The following KCNH8 variants were observed in gnomAD, a reference collection of about 807,000 sequenced individuals.
KCNH8 encodes voltage-gated delayed rectifier potassium channel KCNH8.
Under a neutral mutation model 103.6 loss-of-function variants are expected in KCNH8, and 70 were observed. The observed-to-expected ratio is 0.68, with a 90% CI of 0.56 to 0.82. The LOEUF (loss-of-function observed/expected upper bound fraction) is 0.82, where lower values mean the gene tolerates loss of function less well. Among genes scored for constraint, KCNH8 ranks in the 40% least tolerant of loss-of-function variants. The pLI, the probability that KCNH8 is intolerant of heterozygous loss-of-function variation, is 0.00. For synonymous variants in KCNH8, 498 were observed against 489.4 expected (o/e 1.02, Z -0.23); for missense variants, 1,217 against 1,329.9 (o/e 0.92, Z 1.32).
chr3:19,208,863 G>A (rs552687129), intron 1 of KCNH8, among the ~76,000 whole-genome samples: 6 of 151,918 alleles, frequency 3.9e-5, no homozygotes, highest in Non-Finnish European at 7.4e-5. Context: ...GGTTGAATTT[G>A]CCTTTCACAG....
Position 19,438,134 on chromosome 3 carries a change from C to G in KCNH8, c.1178-30C>G, listed in dbSNP as rs550563652. The G allele has an allele frequency of 7.7e-6, 12 of 1,566,138 alleles. No individual in the cohort carries two copies. In the East Asian group the frequency reaches 2.7e-4, roughly 35 times the overall value. On this transcript the variant is annotated intron_variant, in intron 7 of 15. Transcript: ENST00000328405. ...TAATACTGAGACTTTACTTTTTCTT[C>G]TCTCATTTGCTTTATTTCCTCCTTT...
At chr3:19,444,053 A>C (rs1273461858) in intron 8 of KCNH8, among the ~76,000 whole-genome samples, 1 of 152,044 alleles carries the variant, frequency 6.6e-6, no homozygotes, top group African/African-American at 2.4e-5. Context: ...TTGTTTCTAA[A>C]AATCAGTGGA....
chr3:19,385,422 C>T (rs1363015792), intron 5 of KCNH8, among the ~76,000 whole-genome samples: 1 of 152,092 alleles, frequency 6.6e-6, no homozygotes, highest in Non-Finnish European at 1.5e-5. Flanking sequence ...ATTGACCCTA[C>T]AGATACAAAG....
intron 11 of KCNH8, among the ~76,000 whole-genome samples, chr3:19,499,415 A>G (rs1357066250): frequency 3.3e-5 from 5 of 152,170 alleles, no homozygotes; most frequent in South Asian, 4.1e-4. Context: ...GCAGGCCAAC[A>G]TTCAGATTCA....
intron 8 of KCNH8, among the ~76,000 whole-genome samples, chr3:19,438,821 T>C (rs1372548): frequency 0.037 from 5,652 of 152,278 alleles, 302 homozygotes; most frequent in East Asian, 0.26. Flanking sequence ...CATTGTGGCC[T>C]TGAAACTATG....
chr3:19,498,867 G>C (rs1163626222), intron 11 of KCNH8, among the ~76,000 whole-genome samples: 2 of 152,120 alleles, frequency 1.3e-5, no homozygotes, highest in East Asian at 3.9e-4. Flanking sequence ...GCCCCTGTTG[G>C]GGGGTGCCTC....
At chr3:19,427,270 C>T (rs2067042783) in intron 7 of KCNH8, among the ~76,000 whole-genome samples, 1 of 152,142 alleles carries the variant, frequency 6.6e-6, no homozygotes, top group Admixed American at 6.5e-5. Flanking sequence ...GTGAATTAAA[C>T]CAGCTTTTGT....
At chr3:19,460,027 G>A (rs942503160) in intron 11 of KCNH8, among the ~76,000 whole-genome samples, 10 of 151,854 alleles carry the variant, frequency 6.6e-5, no homozygotes, top group Non-Finnish European at 1.3e-4. Flanking sequence ...AAGGAAAAGC[G>A]GGTGTCAGAA....
At chr3:19,151,811 AT>A (rs1043602515) in intron 1 of KCNH8, among the ~76,000 whole-genome samples, 8 of 151,988 alleles carry the variant, frequency 5.3e-5, no homozygotes, top group African/African-American at 1.7e-4. Context: ...AATTGAGGCT[AT>A]TTTTTTCTGA....
chr3:19,373,908 G>C (rs929039643), intron 5 of KCNH8, among the ~76,000 whole-genome samples: 2 of 152,118 alleles, frequency 1.3e-5, no homozygotes, highest in African/African-American at 4.8e-5. Flanking sequence ...TTTCCATGTA[G>C]TTGAGCGGTT....
intron 5 of KCNH8, among the ~76,000 whole-genome samples, chr3:19,365,778 C>T (rs775440539): frequency 6.6e-5 from 10 of 151,562 alleles, no homozygotes; most frequent in East Asian, 1.9e-4. Flanking sequence ...ACAGGTTGCA[C>T]GTAGAAAAAT....
At chr3:19,191,256 C>G (rs1171502447) in intron 1 of KCNH8, among the ~76,000 whole-genome samples, 1 of 151,722 alleles carries the variant, frequency 6.6e-6, no homozygotes. Context: ...CTTTAACGTT[C>G]CTGCTAAATT....
At chr3:19,352,189 T>A (rs1306502007) in intron 5 of KCNH8, among the ~76,000 whole-genome samples, 2 of 152,186 alleles carry the variant, frequency 1.3e-5, no homozygotes, top group Non-Finnish European at 2.9e-5. Context: ...CTAATTATCC[T>A]AAACATATAT....
chr3:19,325,244 A>G (rs1159140603), intron 3 of KCNH8, among the ~76,000 whole-genome samples: 8 of 152,090 alleles, frequency 5.3e-5, no homozygotes, highest in Non-Finnish European at 1.2e-4. Context: ...AACCATAAAA[A>G]CCCTGGAAGA....
intron 3 of KCNH8, among the ~76,000 whole-genome samples, chr3:19,331,887 T>A (rs576259103): frequency 6.6e-6 from 1 of 152,308 alleles, no homozygotes; most frequent in South Asian, 2.1e-4. Flanking sequence ...TCTATCATGA[T>A]GAAAGTAACT....
intron 11 of KCNH8, among the ~76,000 whole-genome samples, chr3:19,504,736 A>T (rs1449629611): frequency 6.6e-6 from 1 of 152,178 alleles, no homozygotes; most frequent in Non-Finnish European, 1.5e-5. Context: ...GGGAGTGTAA[A>T]TTAGTTCAAC....
intron 3 of KCNH8, among the ~76,000 whole-genome samples, chr3:19,325,604 T>C (rs1263490482): frequency 1.3e-5 from 2 of 152,144 alleles, no homozygotes; most frequent in Non-Finnish European, 2.9e-5. Context: ...TCACTTATCA[T>C]TAGAGAAATG....
chr3:19,414,679 TTAA>T (rs1367273997), intron 7 of KCNH8, among the ~76,000 whole-genome samples: 2 of 151,988 alleles, frequency 1.3e-5, no homozygotes, highest in Non-Finnish European at 2.9e-5. Flanking sequence ...TTATATCAAA[TTAA>T]TATTATGCTT....
chr3:19,264,560 G>C (rs1236819890), intron 2 of KCNH8, among the ~76,000 whole-genome samples: 2 of 152,098 alleles, frequency 1.3e-5, no homozygotes, highest in African/African-American at 2.4e-5. Context: ...TCAGGTCGCA[G>C]TGCATTCATC....
Sources: allele counts gnomAD v4.1 joint callset (sites outside exome capture counted in the v4.1 genomes callset), GRCh38; gene constraint gnomAD v4.1.1; transcripts MANE v1.5; gene names NCBI Gene and HGNC (gene_info 2026-07-23, HGNC 2026-07-21).